The following NFATC3 variants were observed in gnomAD, a reference collection of about 807,000 sequenced individuals.
NFATC3 encodes the protein nuclear factor of activated T cells 3.
NFATC3 carries 46 observed loss-of-function variants against 98.6 expected under a neutral mutation model. The observed-to-expected ratio is 0.47, with a 90% CI of 0.37 to 0.60. The LOEUF is 0.60. Among genes scored for constraint, NFATC3 ranks in the 20% least tolerant of loss-of-function variants. The pLI, the probability that NFATC3 is intolerant of heterozygous loss-of-function variation, is 0.00. For missense variants in NFATC3, 1,256 were observed against 1,295.5 expected, an observed-to-expected ratio of 0.97 and a Z score of 0.47; for synonymous variants, 512 against 472.2, an observed-to-expected ratio of 1.08 and a Z score of -1.09.
At chr16:68,197,514 G>C (rs1348670004) in intron 9 of NFATC3, among the ~76,000 whole-genome samples, 1 of 152,194 alleles carries the variant, frequency 6.6e-6, no homozygotes, top group Non-Finnish European at 1.5e-5. Context: ...CAGTTACTGA[G>C]GAAGGCTAAG....
At chr16:68,088,221 C>T (rs1052632850) in intron 1 of NFATC3, among the ~76,000 whole-genome samples, 2 of 151,220 alleles carry the variant, frequency 1.3e-5, no homozygotes, top group Non-Finnish European at 2.9e-5. Context: ...GGATTCTCTT[C>T]CTCACTGGAA....
At chr16:68,154,831 G>C (rs899743126) in intron 3 of NFATC3, among the ~76,000 whole-genome samples, 6 of 152,206 alleles carry the variant, frequency 3.9e-5, no homozygotes, top group African/African-American at 1.4e-4. Context: ...CTTATGCTGT[G>C]TAAACCATCA....
intron 9 of NFATC3, among the ~76,000 whole-genome samples, chr16:68,219,687 G>A (rs1191954324): frequency 6.6e-6 from 1 of 152,174 alleles, no homozygotes; most frequent in Non-Finnish European, 1.5e-5. Context: ...TTTGGTGAAT[G>A]TTCATTGCAG....
intron 3 of NFATC3, among the ~76,000 whole-genome samples, chr16:68,142,217 T>C (rs2037789177): frequency 6.6e-6 from 1 of 152,242 alleles, no homozygotes; most frequent in African/African-American, 2.4e-5. Flanking sequence ...GAGCATGGGA[T>C]GTTTCCATTT....
At chr16:68,148,689 G>A (rs1242104528) in intron 3 of NFATC3, among the ~76,000 whole-genome samples, 2 of 152,122 alleles carry the variant, frequency 1.3e-5, no homozygotes, top group African/African-American at 4.8e-5. Context: ...CTGAAAACAA[G>A]AAGATTGGAT....
At chr16:68,216,881 C>T (rs1002544345) in intron 9 of NFATC3, among the ~76,000 whole-genome samples, 2 of 152,078 alleles carry the variant, frequency 1.3e-5, no homozygotes, top group Non-Finnish European at 1.5e-5. Context: ...ACTGATTTTC[C>T]CCCTCAATCC....
intron 4 of NFATC3, among the ~76,000 whole-genome samples, chr16:68,161,400 A>T (rs1329773432): frequency 6.6e-6 from 1 of 152,242 alleles, no homozygotes; most frequent in Non-Finnish European, 1.5e-5. Context: ...TCTGTTACTT[A>T]ACTTGGCTTG....
At chr16:68,149,882 A>G (rs935375885) in intron 3 of NFATC3, among the ~76,000 whole-genome samples, 1 of 152,212 alleles carries the variant, frequency 6.6e-6, no homozygotes, top group Non-Finnish European at 1.5e-5. Flanking sequence ...GTAGACTATT[A>G]CCACTTCTCT....
chr16:68,221,269 T>C (rs748561041), intron 9 of NFATC3: 4 of 1,613,992 alleles, frequency 2.5e-6, no homozygotes, highest in African/African-American at 1.3e-5. Context: ...CAGGAAGATA[T>C]CTGAGGAATC....
chr16:68,191,292 A>G lies in NFATC3; in HGVS notation c.2623A>G (p.Thr875Ala), dbSNP rs1482323858. 6.2e-7 allele frequency: 1 copy of G among 1,614,140 alleles called. No individual in the cohort carries two copies. The highest frequency in any genetic ancestry group is 8.5e-7 in the Non-Finnish European group (1 of 1,180,032). Residue 875 changes from threonine (T) to alanine (A), a missense_variant, in exon 9 of 10, where the codon ACC (threonine) becomes GCC (alanine). Transcript: ENST00000346183. The part of the protein sequence containing the change: ...LLAHTPHSVH[T>A]LPHLQSMGYH... Reference sequence around the variant, plus strand: ...AGCCCATACACCTCATTCTGTGCATACCCTGCCTCATCTGCAATCAATGGG... The same window carrying G: ...AGCCCATACACCTCATTCTGTGCATGCCCTGCCTCATCTGCAATCAATGGG...
At chr16:68,224,669 C>G (rs1024845936) in intron 9 of NFATC3, 1 of 150,216 alleles carries the variant, frequency 6.7e-6, no homozygotes, top group African/African-American at 2.5e-5. Context: ...CCTCCACATT[C>G]CAGGTTCAAG....
chr16:68,183,465 T>G, intron 8 of NFATC3, 99 bp downstream of exon 8: 4 of 1,352,498 alleles, frequency 3.0e-6, no homozygotes, highest in Non-Finnish European at 4.0e-6. Flanking sequence ...GTAGAGTGCT[T>G]ATAAACAATG....
chr16:68,122,519 T>C lies in NFATC3; in HGVS notation c.636T>C (p.Pro212=). 1 of 1,614,188 alleles carries C rather than the reference T, an allele frequency of 6.2e-7. No homozygotes were observed. The highest frequency in any genetic ancestry group is 1.1e-5 in the South Asian group (1 of 91,082). Residue 212 remains proline (P), a synonymous_variant, in exon 2 of 10, where the codon CCT becomes CCC. Coordinates refer to ENST00000346183, the MANE Select transcript of NFATC3 (RefSeq NM_173165.3). ...RFTLGSPLTS[P]GGSPGGCPGE... ...CCCTTGGATCCCCTCTGACTTCTCC[T>C]GGTGGCTCTCCAGGGGGCTGCCCTG...
chr16:68,091,218 A>G (rs1242471305), intron 1 of NFATC3, among the ~76,000 whole-genome samples: 1 of 152,194 alleles, frequency 6.6e-6, no homozygotes, highest in African/African-American at 2.4e-5. Flanking sequence ...AAAAGTTAAA[A>G]CTTGGGTATT....
chr16:68,183,394 A>G (rs771604903), intron 8 of NFATC3, 28 bp downstream of exon 8: 3 of 1,604,792 alleles, frequency 1.9e-6, no homozygotes, highest in Non-Finnish European at 2.5e-6. Flanking sequence ...GGTTTACTAT[A>G]GAGCTTTCTT....
intron 1 of NFATC3, among the ~76,000 whole-genome samples, chr16:68,090,739 G>A (rs2034667695): frequency 6.6e-6 from 1 of 152,118 alleles, no homozygotes; most frequent in Admixed American, 6.5e-5. Context: ...GAAGTTGGTT[G>A]GTTTCTTGTA....
chr16:68,124,983 G>A (rs780911149), intron 2 of NFATC3, among the ~76,000 whole-genome samples: 131 of 151,864 alleles, frequency 8.6e-4, no homozygotes, highest in Non-Finnish European at 1.6e-3. Context: ...TGCCCGCCTC[G>A]GCCTCCCAAA....
At chr16:68,100,340 AG>A (rs1470240722) in intron 1 of NFATC3, among the ~76,000 whole-genome samples, 6 of 152,240 alleles carry the variant, frequency 3.9e-5, no homozygotes, top group African/African-American at 1.4e-4. Flanking sequence ...TGGGAGGCCG[AG>A]GTAGGCAGAT....
chr16:68,215,891 G>A (rs1598619133), intron 9 of NFATC3, among the ~76,000 whole-genome samples: 1 of 151,938 alleles, frequency 6.6e-6, no homozygotes, highest in Non-Finnish European at 1.5e-5. Context: ...ACCACGCCCG[G>A]CTAATTTTTT....
Sources: allele counts gnomAD v4.1 joint callset (sites outside exome capture counted in the v4.1 genomes callset), GRCh38; gene constraint gnomAD v4.1.1; transcripts MANE v1.5; gene names NCBI Gene and HGNC (gene_info 2026-07-23, HGNC 2026-07-21).